Variants in MPPED1 observed in about 807,000 individuals in gnomAD.
MPPED1 encodes the protein metallophosphoesterase domain-containing protein 1.
In MPPED1, 16 loss-of-function variants were observed where a neutral mutation model predicts 36.2. The ratio of observed to expected loss-of-function variants is 0.44; its 90% confidence interval spans 0.30 to 0.67. The LOEUF (loss-of-function observed/expected upper bound fraction) is 0.67, where lower values mean the gene tolerates loss of function less well. MPPED1 is among the 30% of genes least tolerant of loss of function. The pLI, the probability that MPPED1 is intolerant of heterozygous loss-of-function variation, is 0.10. For synonymous variants in MPPED1, 199 were observed against 191.3 expected (o/e 1.04, Z -0.33); for missense variants, 307 against 453.4 (o/e 0.68, Z 2.93).
intron 6 of MPPED1, among the ~76,000 whole-genome samples, chr22:43,503,984 T>C (rs1364216245): frequency 1.3e-5 from 2 of 151,844 alleles, no homozygotes; most frequent in African/African-American, 2.4e-5. Context: ...TTCTACCAAA[T>C]AGAGGTGGTG....
intron 4 of MPPED1, among the ~76,000 whole-genome samples, chr22:43,491,877 GTGA>G (rs1448764700): frequency 6.7e-6 from 1 of 149,042 alleles, no homozygotes; most frequent in Admixed American, 6.8e-5. Context: ...GATGGTGATG[GTGA>G]TGATGATGGA....
chr22:43,445,451 G>A (rs1930300553), intron 3 of MPPED1, among the ~76,000 whole-genome samples: 1 of 151,746 alleles, frequency 6.6e-6, no homozygotes. Flanking sequence ...ACTTAACACA[G>A]CCTAAAATTA....
intron 1 of MPPED1, chr22:43,417,999 C>G (rs1448713180): frequency 6.6e-6 from 3 of 454,902 alleles, no homozygotes; most frequent in Non-Finnish European, 1.3e-5. Flanking sequence ...CTTAATAAGA[C>G]AGTCGTTTCT....
intron 4 of MPPED1, among the ~76,000 whole-genome samples, chr22:43,478,423 C>T (rs752423679): frequency 1.2e-4 from 19 of 152,260 alleles, no homozygotes; most frequent in Middle Eastern, 3.4e-3. Flanking sequence ...ATGGGGTTTA[C>T]GTTCTCGTGG....
intron 1 of MPPED1, among the ~76,000 whole-genome samples, chr22:43,420,093 G>T (rs928186091): frequency 3.9e-5 from 6 of 152,180 alleles, no homozygotes; most frequent in Non-Finnish European, 8.8e-5. Flanking sequence ...TACAAGGTTT[G>T]TTCCAGCCCC....
intron 3 of MPPED1, among the ~76,000 whole-genome samples, chr22:43,467,736 C>A (rs571333245): frequency 1.3e-5 from 2 of 152,166 alleles, no homozygotes; most frequent in Non-Finnish European, 2.9e-5. Flanking sequence ...CTGTGTTCTG[C>A]GAGATGGGAA....
intron 2 of MPPED1, among the ~76,000 whole-genome samples, chr22:43,429,203 G>A (rs1040784808): frequency 2.6e-5 from 4 of 152,142 alleles, no homozygotes; most frequent in Non-Finnish European, 5.9e-5. Context: ...TACAGATGAG[G>A]ATGCTAAGGT....
intron 3 of MPPED1, among the ~76,000 whole-genome samples, chr22:43,445,537 A>G (rs1399472625): frequency 7.0e-6 from 1 of 143,666 alleles, no homozygotes; most frequent in Non-Finnish European, 1.5e-5. Context: ...TCTTATCTAT[A>G]TCTTTGCTGT....
At chr22:43,412,930 T>A (rs1928956571) in intron 1 of MPPED1, among the ~76,000 whole-genome samples, 1 of 152,238 alleles carries the variant, frequency 6.6e-6, no homozygotes, top group African/African-American at 2.4e-5. Context: ...AGAGCACTGA[T>A]GTGCCCAGGA....
At chr22:43,415,225 C>CAAAAAA (rs34357060) in intron 1 of MPPED1, among the ~76,000 whole-genome samples, 69 of 49,370 alleles carry the variant, frequency 1.4e-3, no homozygotes, top group Middle Eastern at 0.022. Flanking sequence ...ATGTCAAAAG[C>CAAAAAA]AAAAAAAAAA....
intron 5 of MPPED1, among the ~76,000 whole-genome samples, chr22:43,500,922 G>T (rs1388844454): frequency 6.6e-6 from 1 of 152,092 alleles, no homozygotes; most frequent in East Asian, 1.9e-4. Context: ...AAGGGGAGGG[G>T]AAGGGTGTCC....
In MPPED1 at chr22:43,463,333, T is replaced by TTC. The variant is rs1396336710; in HGVS notation, c.407-11402_407-11401insCT. ...AGATGTTGGGCTTATGATTTTTTCT[T>TTC]TTTTTTTTTTTTTTTTGAGACAGGA... On this transcript the variant is annotated intron_variant, in intron 3 of 6. Transcript: ENST00000443721. 3.0e-3 allele frequency among the ~76,000 whole-genome samples: 150 copies of TTC among 49,200 alleles called. 2 individuals carry two copies. In the Middle Eastern group the frequency reaches 0.076, roughly 25 times the overall value. 32.3% of individuals were successfully genotyped at this position (49,200 alleles called of 152,430 possible).
chr22:43,446,081 G>C (rs956289257), intron 3 of MPPED1, among the ~76,000 whole-genome samples: 2 of 151,282 alleles, frequency 1.3e-5, no homozygotes, highest in African/African-American at 4.9e-5. Flanking sequence ...ATGTTGCCCA[G>C]GCTGGTCTCG....
At chr22:43,447,877 ATATATATTTTTTTT>A (rs1292117610) in intron 3 of MPPED1, among the ~76,000 whole-genome samples, 26 of 32,486 alleles carry the variant, frequency 8.0e-4, no homozygotes, top group African/African-American at 4.7e-3. Flanking sequence ...ATATATATAT[ATATATATTTTTTTT>A]TTTTTTAGAC....
At chr22:43,429,514 ACTC>A (rs1392118552) in intron 2 of MPPED1, among the ~76,000 whole-genome samples, 4 of 151,804 alleles carry the variant, frequency 2.6e-5, no homozygotes, top group African/African-American at 9.7e-5. Flanking sequence ...GTGAGCACTG[ACTC>A]CTCCTTCAGA....
intron 1 of MPPED1, among the ~76,000 whole-genome samples, chr22:43,419,790 C>T (rs1425481373): frequency 6.6e-6 from 1 of 152,038 alleles, no homozygotes; most frequent in Non-Finnish European, 1.5e-5. Flanking sequence ...GGAGTCGGAC[C>T]TCTTTCCTAG....
chr22:43,432,589 G>GGGAGGAGAGAGAA (rs1569067239), intron 2 of MPPED1, among the ~76,000 whole-genome samples: 1 of 43,316 alleles, frequency 2.3e-5, no homozygotes, highest in Non-Finnish European at 5.8e-5. Context: ...GAGAGGGAAA[G>GGGAGGAGAGAGAA]AGGGAGGAGA....
chr22:43,446,983 A>G lies in MPPED1; in HGVS notation c.406+11768A>G, dbSNP rs370113680. Among the ~76,000 whole-genome samples the G allele has an allele frequency of 9.8e-5, 15 of 152,310 alleles. No homozygotes were observed. In the East Asian group the frequency reaches 1.5e-3, roughly 16 times the overall value. On this transcript the variant is annotated intron_variant, in intron 3 of 6. Transcript: ENST00000443721. Reference sequence around the variant, plus strand: ...AGCCGGGGACCAAGTTGGACCATGTAGGCTTAACTTGCAGCTCACCTGCCT... The same window carrying G: ...AGCCGGGGACCAAGTTGGACCATGTGGGCTTAACTTGCAGCTCACCTGCCT...
Position 43,474,650 on chromosome 22 carries a change from C to T in MPPED1, c.407-86C>T. 1.9e-6 allele frequency: 3 copies of T among 1,551,160 alleles called. No homozygotes were observed. Among genetic ancestry groups the T allele is most frequent in the Non-Finnish European group, 2.7e-6 (3 of 1,131,520 alleles). ...GACCAGGAGTTCATGCAGCTTCCTC[C>T]TGCCCGCCCCTCTCTCAGCCGTGCT... On this transcript the variant is annotated intron_variant, in intron 3 of 6. Transcript: ENST00000443721. This position sits in a 1 kb window ranked among gnomAD's most constrained non-coding sequence, Gnocchi z 5.2.
Sources: gnomAD v4.1 joint callset for allele counts (sites outside exome capture counted in the v4.1 genomes callset) on GRCh38, gnomAD v4.1.1 for gene constraint, Gnocchi (gnomAD v3.1) non-coding constraint, MANE v1.5 for transcripts, NCBI Gene and HGNC (gene_info 2026-07-23, HGNC 2026-07-21) for gene names.